Variants in ELF1 observed in about 807,000 individuals in gnomAD.
ELF1 encodes the protein E74 like ETS transcription factor 1.
In ELF1, 24 loss-of-function variants were observed where a neutral mutation model predicts 59.9. The observed-to-expected ratio is 0.40, with a 90% CI of 0.29 to 0.56. The LOEUF (loss-of-function observed/expected upper bound fraction) is 0.56, where lower values mean the gene tolerates loss of function less well. Ranked by LOEUF, ELF1 falls within the 20% of genes least tolerant of loss-of-function variation. ELF1 has a pLI of 0.44. For synonymous variants in ELF1, 248 were observed against 266.2 expected, an observed-to-expected ratio of 0.93 and a Z score of 0.67; for missense variants, 627 against 742.2, an observed-to-expected ratio of 0.84 and a Z score of 1.80.
intron 1 of ELF1, among the ~76,000 whole-genome samples, chr13:41,031,465 G>C (rs959521837): frequency 1.3e-5 from 2 of 151,982 alleles, no homozygotes; most frequent in Admixed American, 1.3e-4. Context: ...AGCCTCTCCA[G>C]GTTCTCAGAA....
intron 1 of ELF1, among the ~76,000 whole-genome samples, chr13:41,026,658 T>C (rs1478789636): frequency 2.0e-5 from 3 of 152,274 alleles, no homozygotes; most frequent in African/African-American, 7.2e-5. Context: ...TGGACCTTAG[T>C]AGAAACTGAA....
intron 7 of ELF1, 28 bp downstream of exon 7, chr13:40,942,924 C>T: frequency 6.7e-7 from 1 of 1,488,886 alleles, no homozygotes; most frequent in Non-Finnish European, 9.0e-7. Context: ...ATATTCTTAA[C>T]ACAATAAAAT....
At chr13:41,053,124 C>G (rs1260698017) in intron 1 of ELF1, among the ~76,000 whole-genome samples, 1 of 152,102 alleles carries the variant, frequency 6.6e-6, no homozygotes, top group African/African-American at 2.4e-5. Flanking sequence ...GAGGCTGAGG[C>G]AGGAGGATCA....
intron 2 of ELF1, among the ~76,000 whole-genome samples, chr13:40,965,046 T>G (rs1872093126): frequency 6.6e-6 from 1 of 152,202 alleles, no homozygotes; most frequent in African/African-American, 2.4e-5. Context: ...AGGACTTAAT[T>G]TAATTTGGTT....
At chr13:40,989,536 A>G (rs1873729763) in intron 1 of ELF1, among the ~76,000 whole-genome samples, 1 of 152,226 alleles carries the variant, frequency 6.6e-6, no homozygotes, top group Non-Finnish European at 1.5e-5. Flanking sequence ...AAAATTAAGC[A>G]TTCTTTTATT....
At chr13:40,959,604 T>C (rs1460800599) in intron 2 of ELF1, among the ~76,000 whole-genome samples, 1 of 152,044 alleles carries the variant, frequency 6.6e-6, no homozygotes, top group African/African-American at 2.4e-5. Flanking sequence ...TCAATAAAAG[T>C]TTTTTGGCAA....
intron 5 of ELF1, 36 bp downstream of exon 5, chr13:40,949,770 C>A: frequency 1.2e-6 from 2 of 1,606,378 alleles, no homozygotes; most frequent in Non-Finnish European, 1.7e-6. Context: ...CACACCAAGA[C>A]TTGACTATGC....
intron 8 of ELF1, among the ~76,000 whole-genome samples, chr13:40,934,415 GCTTT>G (rs1321266462): frequency 6.5e-5 from 5 of 76,344 alleles, no homozygotes; most frequent in African/African-American, 1.8e-4. Flanking sequence ...ATTCATTCCT[GCTTT>G]TTTTTTTTTT....
In ELF1 at chr13:41,044,778, G is replaced by T. The variant is rs528103046; in HGVS notation, c.-229+16060C>A. ...CTCTTTTTTTGTTGTGTCTCTGCCC[G>T]GCTTTGGTATCAGGATGATGCTGGC... On this transcript the variant is annotated intron_variant, in intron 1 of 1. Coordinates refer to the ELF1 transcript ENST00000405737. Among the ~76,000 whole-genome samples, 5 of 152,192 alleles carry T rather than the reference G, an allele frequency of 3.3e-5. No individual in the cohort carries two copies. In the South Asian group the frequency reaches 1.0e-3, roughly 32 times the overall value.
intron 2 of ELF1, among the ~76,000 whole-genome samples, chr13:40,979,498 C>T (rs1873131833): frequency 1.3e-5 from 2 of 152,208 alleles, no homozygotes; most frequent in African/African-American, 2.4e-5. Flanking sequence ...ACCGCTACTA[C>T]TAGGTAGATC....
chr13:41,005,421 C>T (rs1874685666), intron 1 of ELF1, among the ~76,000 whole-genome samples: 1 of 147,690 alleles, frequency 6.8e-6, no homozygotes, highest in African/African-American at 2.5e-5. Flanking sequence ...TGATATGTGA[C>T]CCTCCCCCCA....
At chr13:41,011,871 G>A (rs985206017) in intron 1 of ELF1, among the ~76,000 whole-genome samples, 1 of 152,004 alleles carries the variant, frequency 6.6e-6, no homozygotes, top group South Asian at 2.1e-4. Flanking sequence ...GGGACTACAG[G>A]TGCATCTCAG....
intron 1 of ELF1, among the ~76,000 whole-genome samples, chr13:41,053,852 T>C (rs1180619949): frequency 6.6e-6 from 1 of 152,104 alleles, no homozygotes; most frequent in Non-Finnish European, 1.5e-5. Flanking sequence ...AGTAGCGTAA[T>C]ATAAACCAAA....
At chr13:41,050,294 A>T (rs1432019993) in intron 1 of ELF1, among the ~76,000 whole-genome samples, 2 of 152,184 alleles carry the variant, frequency 1.3e-5, no homozygotes, top group African/African-American at 4.8e-5. Flanking sequence ...TATTTCACTT[A>T]GCATAATGTC....
chr13:40,978,493 C>T (rs1873055839), intron 2 of ELF1, among the ~76,000 whole-genome samples: 1 of 151,836 alleles, frequency 6.6e-6, no homozygotes, highest in Admixed American at 6.6e-5. Context: ...GCCCCCAAAA[C>T]TAATATTATT....
At chr13:41,024,618 C>T (rs1156824209) in intron 1 of ELF1, among the ~76,000 whole-genome samples, 2 of 152,126 alleles carry the variant, frequency 1.3e-5, no homozygotes, top group Non-Finnish European at 2.9e-5. Flanking sequence ...CTCAAGCGAT[C>T]CGCCTGCCTC....
chr13:41,012,376 T>C (rs1875120177), intron 1 of ELF1, among the ~76,000 whole-genome samples: 1 of 150,578 alleles, frequency 6.6e-6, no homozygotes, highest in Non-Finnish European at 1.5e-5. Context: ...GATTCATCTA[T>C]CTACCACCTA....
chr13:40,963,633 G>A (rs186352561), intron 2 of ELF1, among the ~76,000 whole-genome samples: 1 of 152,236 alleles, frequency 6.6e-6, no homozygotes, highest in South Asian at 2.1e-4. Context: ...TAGGTGCTGG[G>A]CGCAGTGGCT....
At chr13:41,010,829 C>T (rs1875022935) in intron 1 of ELF1, among the ~76,000 whole-genome samples, 1 of 152,074 alleles carries the variant, frequency 6.6e-6, no homozygotes, top group African/African-American at 2.4e-5. Flanking sequence ...ACTTCTATTT[C>T]CATTTGTTCT....
Sources: gnomAD v4.1 joint callset for allele counts (sites outside exome capture counted in the v4.1 genomes callset) on GRCh38, gnomAD v4.1.1 for gene constraint, MANE v1.5 for transcripts, NCBI Gene and HGNC (gene_info 2026-07-23, HGNC 2026-07-21) for gene names.